AMD1: variants seen among roughly 807,000 people sequenced by gnomAD.
The protein encoded by AMD1 is S-adenosylmethionine decarboxylase proenzyme.
In AMD1, 11 loss-of-function variants were observed where a neutral mutation model predicts 40.2. The observed-to-expected ratio is 0.27, with a 90% CI of 0.17 to 0.45. AMD1 has a LOEUF of 0.45. Ranked by LOEUF, AMD1 falls within the 20% of genes least tolerant of loss-of-function variation. The pLI, the probability that AMD1 is intolerant of heterozygous loss-of-function variation, is 1.00. For synonymous variants in AMD1, 121 were observed against 130.8 expected (o/e 0.93, Z 0.51); for missense variants, 257 against 410.2 (o/e 0.63, Z 3.23).
the AMD1 span, among the ~76,000 whole-genome samples, chr6:110,816,598 C>A: frequency 6.6e-6 from 1 of 152,184 alleles, no homozygotes; most frequent in African/African-American, 2.4e-5. Context: ...AGGAAATTTT[C>A]GTAATTAAAG....
the AMD1 span, among the ~76,000 whole-genome samples, chr6:110,853,468 C>T: frequency 6.6e-6 from 1 of 152,012 alleles, no homozygotes; most frequent in African/African-American, 2.4e-5. Flanking sequence ...CCACCATGCC[C>T]AGCTAATTTT....
chr6:110,875,831 T>C (rs1022818023), intron 1 of AMD1, among the ~76,000 whole-genome samples: 5 of 152,110 alleles, frequency 3.3e-5, no homozygotes, highest in African/African-American at 7.2e-5. Context: ...GGAGCAGTTA[T>C]GTCGCAGTGG....
chr6:110,848,614 CT>C, the AMD1 span: 2 of 567,104 alleles, frequency 3.5e-6, no homozygotes, highest in Non-Finnish European at 5.7e-6. Context: ...AATAAATCTT[CT>C]TTTGCAACCC....
chr6:110,839,818 G>T, the AMD1 span, among the ~76,000 whole-genome samples: 10 of 152,140 alleles, frequency 6.6e-5, no homozygotes, highest in East Asian at 1.9e-3. Context: ...AATGCTGAGG[G>T]CTGTTCAACC....
the AMD1 span, among the ~76,000 whole-genome samples, chr6:110,831,563 G>A: frequency 3.8e-3 from 581 of 152,170 alleles, 3 homozygotes; most frequent in Non-Finnish European, 5.9e-3. Context: ...CCGAAGTGCC[G>A]GGATTATAGG....
chr6:110,860,354 T>C, the AMD1 span, among the ~76,000 whole-genome samples: 1 of 152,212 alleles, frequency 6.6e-6, no homozygotes, highest in Non-Finnish European at 1.5e-5. Context: ...AAATAATATA[T>C]TTATACTCAT....
chr6:110,826,224 A>G, the AMD1 span, among the ~76,000 whole-genome samples: 1 of 135,352 alleles, frequency 7.4e-6, no homozygotes, highest in Non-Finnish European at 1.6e-5. Context: ...GTGAGCTGAG[A>G]TTGCACCACT....
the AMD1 span, among the ~76,000 whole-genome samples, chr6:110,857,639 GTATATATATATAGATGGTA>G: frequency 3.2e-5 from 4 of 126,252 alleles, no homozygotes; most frequent in African/African-American, 1.1e-4. Context: ...TATATAGATG[GTATATATATATAGATGGTA>G]TATATATATA....
At chr6:110,853,367 G>T in the AMD1 span, among the ~76,000 whole-genome samples, 1 of 151,350 alleles carries the variant, frequency 6.6e-6, no homozygotes, top group African/African-American at 2.4e-5. Context: ...GAGTGCAGTA[G>T]CGTGATCTCA....
the AMD1 span, among the ~76,000 whole-genome samples, chr6:110,843,356 C>A: frequency 2.3e-4 from 34 of 149,582 alleles, no homozygotes; most frequent in African/African-American, 8.1e-4. Context: ...CCCAGCTACA[C>A]GGGAGGCTGA....
the AMD1 span, among the ~76,000 whole-genome samples, chr6:110,853,953 A>G: frequency 1.3e-3 from 205 of 152,274 alleles, no homozygotes; most frequent in African/African-American, 4.7e-3. Flanking sequence ...TCACTTAGCA[A>G]CATTTCCCTG....
chr6:110,867,836 T>C, the AMD1 span, among the ~76,000 whole-genome samples: 1 of 152,238 alleles, frequency 6.6e-6, no homozygotes, highest in Non-Finnish European at 1.5e-5. Context: ...AACAGCACAT[T>C]ACAAATTCTT....
chr6:110,852,982 C>CTAT, the AMD1 span, among the ~76,000 whole-genome samples: 3 of 111,482 alleles, frequency 2.7e-5, no homozygotes, highest in South Asian at 3.0e-4. Context: ...TAATTAAGCA[C>CTAT]TTTTTTTTTT....
the AMD1 span, among the ~76,000 whole-genome samples, chr6:110,837,014 A>G: frequency 6.6e-6 from 1 of 151,846 alleles, no homozygotes; most frequent in Non-Finnish European, 1.5e-5. Flanking sequence ...AAAATTAGCC[A>G]GGTGTGGTGG....
At chr6:110,858,983 G>T in the AMD1 span, 2 of 1,137,296 alleles carry the variant, frequency 1.8e-6, no homozygotes, top group South Asian at 1.2e-5. Flanking sequence ...TGGGCTACAC[G>T]CAGGGCGCCA....
the AMD1 span, among the ~76,000 whole-genome samples, chr6:110,868,902 A>C: frequency 1.3e-5 from 2 of 151,802 alleles, no homozygotes; most frequent in Non-Finnish European, 2.9e-5. Context: ...CTAAAAAAAA[A>C]ATACAAAATT....
At chr6:110,839,047 A>G in the AMD1 span, among the ~76,000 whole-genome samples, 1 of 152,154 alleles carries the variant, frequency 6.6e-6, no homozygotes, top group Non-Finnish European at 1.5e-5. Flanking sequence ...GATTACAGGC[A>G]TGAGCCACCG....
chr6:110,815,822 G>A, the AMD1 span: 8 of 152,528 alleles, frequency 5.2e-5, no homozygotes, highest in East Asian at 1.9e-4. Flanking sequence ...CTGAAGGGTT[G>A]GCTGCAGTGA....
At chr6:110,847,042 A>AGTGTGT in the AMD1 span, among the ~76,000 whole-genome samples, 3,691 of 146,270 alleles carry the variant, frequency 0.025, 84 homozygotes, top group East Asian at 0.12. Context: ...GAACTAGGAG[A>AGTGTGT]GTGTGTGTGT....
Sources: gnomAD v4.1 joint callset for allele counts (sites outside exome capture counted in the v4.1 genomes callset) on GRCh38, gnomAD v4.1.1 for gene constraint, MANE v1.5 for transcripts, NCBI Gene and HGNC (gene_info 2026-07-23, HGNC 2026-07-21) for gene names.